ATRNL1: variants seen among roughly 807,000 people sequenced by gnomAD.
ATRNL1 encodes the protein attractin like 1, also known as attractin-like protein 1.
Under a neutral mutation model 182.7 loss-of-function variants are expected in ATRNL1, and 95 were observed. The observed-to-expected ratio is 0.52, with a 90% confidence interval of 0.44 to 0.62. ATRNL1 has a LOEUF of 0.62. Ranked by LOEUF, ATRNL1 falls within the 20% of genes least tolerant of loss-of-function variation. The pLI is 0.00. For missense variants in ATRNL1, 1,471 were observed against 1,679.5 expected (o/e 0.88, Z 2.17); for synonymous variants, 576 against 568.3 (o/e 1.01, Z -0.19).
In ATRNL1 at chr10:115,410,324, GCTA is replaced by G. The variant is rs1252958448; in HGVS notation, c.3269+15575_3269+15577del. The stretch of plus-strand genomic sequence containing the variant: ...GTTTAGCCATTTCTCTTTAAAAATT[GCTA>G]CTTTTTTTTTTTTTTAACAGAGTCT... On this transcript the variant is annotated intron_variant, in intron 20 of 28. Coordinates refer to ENST00000355044, the MANE Select transcript of ATRNL1 (RefSeq NM_207303.4). 1.3e-4 allele frequency among the ~76,000 whole-genome samples: 20 copies of G among 149,156 alleles called. 1 individual carries two copies. In the East Asian group the frequency reaches 3.7e-3, roughly 28 times the overall value.
chr10:115,366,065 G>A (rs1167348321), intron 19 of ATRNL1, among the ~76,000 whole-genome samples: 1 of 151,604 alleles, frequency 6.6e-6, no homozygotes, highest in Non-Finnish European at 1.5e-5. Context: ...TCAATTCCTG[G>A]GTATCCTTGT....
intron 26 of ATRNL1, among the ~76,000 whole-genome samples, chr10:115,655,657 G>C (rs960027017): frequency 6.6e-6 from 1 of 152,116 alleles, no homozygotes; most frequent in Non-Finnish European, 1.5e-5. Flanking sequence ...CAAATAGCTA[G>C]TAATCCAAGT....
At chr10:115,795,766 G>A (rs571317321) in intron 27 of ATRNL1, among the ~76,000 whole-genome samples, 4 of 151,988 alleles carry the variant, frequency 2.6e-5, no homozygotes, top group Non-Finnish European at 5.9e-5. Context: ...CTAGAGGGAT[G>A]GTGCGAAGTG....
At chr10:115,439,463 A>G (rs1008448192) in intron 21 of ATRNL1, among the ~76,000 whole-genome samples, 1 of 151,886 alleles carries the variant, frequency 6.6e-6, no homozygotes, top group South Asian at 2.1e-4. Context: ...GAAAAGAGAT[A>G]AATAAAAATA....
intron 27 of ATRNL1, among the ~76,000 whole-genome samples, chr10:115,744,179 G>C (rs1267345167): frequency 6.6e-6 from 1 of 151,982 alleles, no homozygotes; most frequent in African/African-American, 2.4e-5. Context: ...GAAATTTTTA[G>C]AAACTACGTT....
intron 26 of ATRNL1, among the ~76,000 whole-genome samples, chr10:115,584,631 C>T (rs1365771132): frequency 6.7e-6 from 1 of 149,666 alleles, no homozygotes; most frequent in African/African-American, 2.4e-5. Flanking sequence ...CTATTTGATT[C>T]TTCTCTCTTT....
intron 20 of ATRNL1, among the ~76,000 whole-genome samples, chr10:115,424,865 T>A (rs6585330): frequency 0.012 from 1,780 of 152,182 alleles, 33 homozygotes; most frequent in African/African-American, 0.04. Flanking sequence ...TACAGTTAGA[T>A]AGGAATCACA....
intron 5 of ATRNL1, among the ~76,000 whole-genome samples, chr10:115,134,911 A>G (rs1845432675): frequency 6.6e-6 from 1 of 152,192 alleles, no homozygotes; most frequent in Admixed American, 6.5e-5. Flanking sequence ...AATCCAGCAT[A>G]TAAACAGAAC....
Position 115,642,665 on chromosome 10 carries a change from G to A in ATRNL1, c.3796-84583G>A, listed in dbSNP as rs113112512. Among the ~76,000 whole-genome samples, 489 of 152,092 alleles carry A rather than the reference G, an allele frequency of 3.2e-3. 1 individual carries two copies. Among genetic ancestry groups the A allele is most frequent in the African/African-American group, 0.011 (452 of 41,490 alleles). On this transcript the variant is annotated intron_variant, in intron 26 of 28. Transcript: ENST00000355044. ...TCACCATATTGGCCAGGCTTGTCTC[G>A]AACTCCTGACCTCAGGTGATCCGCC...
intron 21 of ATRNL1, among the ~76,000 whole-genome samples, chr10:115,441,220 A>G (rs1554965650): frequency 6.6e-6 from 1 of 151,990 alleles, no homozygotes. Flanking sequence ...CTTAGCACAC[A>G]TATACATGTT....
At chr10:115,837,559 A>G (rs1179275152) in intron 27 of ATRNL1, among the ~76,000 whole-genome samples, 2 of 147,600 alleles carry the variant, frequency 1.4e-5, no homozygotes, top group Non-Finnish European at 3.0e-5. Flanking sequence ...TTCTAAGCAT[A>G]TCCATCCATA....
chr10:115,431,556 AGTTTTTCCCTGTATTT>A (rs1846166226), intron 21 of ATRNL1, among the ~76,000 whole-genome samples: 1 of 152,158 alleles, frequency 6.6e-6, no homozygotes, highest in African/African-American at 2.4e-5. Context: ...TAAATGTTAC[AGTTTTTCCCTGTATTT>A]TTTATTTATT....
At chr10:115,685,979 T>C (rs1555046204) in intron 26 of ATRNL1, among the ~76,000 whole-genome samples, 1 of 151,736 alleles carries the variant, frequency 6.6e-6, no homozygotes, top group African/African-American at 2.4e-5. Context: ...TTTCTAATTT[T>C]TGTTCACTTT....
intron 8 of ATRNL1, among the ~76,000 whole-genome samples, chr10:115,181,184 A>G (rs1554887765): frequency 2.6e-5 from 4 of 152,024 alleles, no homozygotes; most frequent in African/African-American, 9.6e-5. Flanking sequence ...AAAGGTAGGA[A>G]TATGTGTAGA....
At chr10:115,241,546 T>A in intron 9 of ATRNL1, 25 bp from the exon 10 acceptor site, 1 of 1,541,658 alleles carries the variant, frequency 6.5e-7, no homozygotes, top group Non-Finnish European at 8.9e-7. Context: ...TCCTTTGTAA[T>A]ACATTTTTAA....
chr10:115,536,686 A>G (rs1852037286), intron 25 of ATRNL1, among the ~76,000 whole-genome samples: 1 of 152,186 alleles, frequency 6.6e-6, no homozygotes, highest in Non-Finnish European at 1.5e-5. Context: ...AAATGCAGAA[A>G]TCACCCGTCT....
chr10:115,214,268 T>C (rs1849144750), intron 8 of ATRNL1, among the ~76,000 whole-genome samples: 1 of 151,360 alleles, frequency 6.6e-6, no homozygotes, highest in South Asian at 2.1e-4. Flanking sequence ...TTTATCTTTA[T>C]TAAAAGGAAA....
chr10:115,825,159 T>A (rs1385650009), intron 27 of ATRNL1, among the ~76,000 whole-genome samples: 1 of 152,118 alleles, frequency 6.6e-6, no homozygotes, highest in African/African-American at 2.4e-5. Flanking sequence ...AACATCATTC[T>A]CAACATCAAA....
intron 25 of ATRNL1, among the ~76,000 whole-genome samples, chr10:115,523,202 A>G (rs181797097): frequency 8.5e-5 from 13 of 152,264 alleles, no homozygotes; most frequent in Admixed American, 7.8e-4. Flanking sequence ...TTGAGCAGCG[A>G]GATGTGGGGA....
Sources: allele counts gnomAD v4.1 joint callset (sites outside exome capture counted in the v4.1 genomes callset), GRCh38; gene constraint gnomAD v4.1.1; transcripts MANE v1.5; gene names NCBI Gene and HGNC (gene_info 2026-07-23, HGNC 2026-07-21).